Variants in SLC31A1 observed in about 807,000 individuals in gnomAD.
SLC31A1 encodes the protein solute carrier family 31 member 1.
In SLC31A1, 5 loss-of-function variants were observed where a neutral mutation model predicts 17.2. The ratio of observed to expected loss-of-function variants is 0.29; its 90% CI spans 0.15 to 0.61. The LOEUF is 0.61. Ranked by LOEUF, SLC31A1 falls within the 20% of genes least tolerant of loss-of-function variation. The pLI, the probability that SLC31A1 is intolerant of heterozygous loss-of-function variation, is 0.86. For missense variants in SLC31A1, 161 were observed against 241.4 expected, an observed-to-expected ratio of 0.67 and a Z score of 2.21; for synonymous variants, 76 against 78.8, an observed-to-expected ratio of 0.96 and a Z score of 0.19.
intron 4 of SLC31A1, among the ~76,000 whole-genome samples, chr9:113,259,772 G>A (rs957063667): frequency 1.3e-4 from 20 of 151,732 alleles, no homozygotes; most frequent in African/African-American, 4.8e-4. Flanking sequence ...TTTTTGTAGA[G>A]ACAAGGTTTC....
At chr9:113,238,707 A>G (rs1212871318) in intron 1 of SLC31A1, among the ~76,000 whole-genome samples, 1 of 152,202 alleles carries the variant, frequency 6.6e-6, no homozygotes, top group Non-Finnish European at 1.5e-5. Flanking sequence ...GGTTGCAGAG[A>G]TCGTGACACT....
At chr9:113,255,908 G>A (rs1031137135) in intron 1 of SLC31A1, 2 of 305,204 alleles carry the variant, frequency 6.6e-6, no homozygotes, top group Non-Finnish European at 6.1e-6. Context: ...CAGGAGCAGG[G>A]AACCACCAGG....
chr9:113,259,946 G>T (rs1831771250), intron 4 of SLC31A1, among the ~76,000 whole-genome samples: 1 of 152,090 alleles, frequency 6.6e-6, no homozygotes, highest in African/African-American at 2.4e-5. Flanking sequence ...AAATATTCGG[G>T]CAGATGAGCG....
intron 1 of SLC31A1, among the ~76,000 whole-genome samples, chr9:113,251,314 A>G (rs1831649463): frequency 1.3e-5 from 2 of 152,016 alleles, no homozygotes; most frequent in African/African-American, 4.8e-5. Context: ...CCCAGCTACT[A>G]GGGAGGCTGA....
chr9:113,239,939 C>G (rs191025099), intron 1 of SLC31A1, among the ~76,000 whole-genome samples: 2 of 152,144 alleles, frequency 1.3e-5, no homozygotes, highest in Admixed American at 6.5e-5. Flanking sequence ...GCCTCTCCTC[C>G]GCTCACTCAG....
At chr9:113,248,853 C>T (rs1318455257) in intron 1 of SLC31A1, among the ~76,000 whole-genome samples, 1 of 152,094 alleles carries the variant, frequency 6.6e-6, no homozygotes, top group Non-Finnish European at 1.5e-5. Context: ...TTAATAAAGT[C>T]AAGTGAGGAG....
chr9:113,241,049 CAAAA>C (rs11330445), intron 1 of SLC31A1, among the ~76,000 whole-genome samples: 2 of 94,964 alleles, frequency 2.1e-5, no homozygotes, highest in African/African-American at 9.2e-5. Context: ...GACTCTGTCT[CAAAA>C]AAAAAAAAAA....
At chr9:113,228,160 A>C (rs1404937555) in intron 1 of SLC31A1, among the ~76,000 whole-genome samples, 1 of 152,234 alleles carries the variant, frequency 6.6e-6, no homozygotes, top group Non-Finnish European at 1.5e-5. Flanking sequence ...ATGTGGGTCC[A>C]GAGCTCAGAG....
chr9:113,241,755 G>A (rs1831523968), intron 1 of SLC31A1, among the ~76,000 whole-genome samples: 1 of 152,168 alleles, frequency 6.6e-6, no homozygotes, highest in Admixed American at 6.5e-5. Flanking sequence ...TTAAGCATCT[G>A]CAGTTGATAA....
intron 1 of SLC31A1, among the ~76,000 whole-genome samples, chr9:113,251,262 A>C (rs2119010017): frequency 6.6e-6 from 1 of 152,150 alleles, no homozygotes; most frequent in Admixed American, 6.6e-5. Flanking sequence ...ATCTCCACTA[A>C]AAATAAAAAA....
chr9:113,253,190 C>T (rs186562617), intron 1 of SLC31A1, among the ~76,000 whole-genome samples: 201 of 152,072 alleles, frequency 1.3e-3, no homozygotes, highest in Middle Eastern at 3.4e-3. Context: ...CTCCTAACCT[C>T]GTGATCCGCC....
At chr9:113,236,366 G>T (rs1418242072) in intron 1 of SLC31A1, among the ~76,000 whole-genome samples, 3 of 151,362 alleles carry the variant, frequency 2.0e-5, no homozygotes, top group African/African-American at 4.9e-5. Flanking sequence ...GTTGTTTTTT[G>T]TTTGTTTGTT....
chr9:113,253,958 C>CTTTTTTTTT (rs397967653), intron 1 of SLC31A1, among the ~76,000 whole-genome samples: 12 of 110,398 alleles, frequency 1.1e-4, no homozygotes, highest in African/African-American at 1.8e-4. Context: ...TACCCACAGT[C>CTTTTTTTTT]TTTTTTTTTT....
chr9:113,251,623 A>C (rs1831655070), intron 1 of SLC31A1, among the ~76,000 whole-genome samples: 1 of 152,226 alleles, frequency 6.6e-6, no homozygotes, highest in Non-Finnish European at 1.5e-5. Context: ...AGAATGGGTT[A>C]GGTGTGTTCG....
At position 113,249,932 on chromosome 9, in the gene SLC31A1, C is replaced by T. The variant is rs945911029; in HGVS notation, c.-35-6182C>T. Among the ~76,000 whole-genome samples the T allele has an allele frequency of 2.1e-5, 3 of 145,294 alleles. No homozygotes were observed. The Admixed American group carries it at 2.1e-4, about 10-fold the overall frequency. ...GCCAAAAAACACATGAAAAAATGCTCACCATCACTGGCCATCAGAGAAATG... is the reference window on the plus strand; with the variant it reads ...GCCAAAAAACACATGAAAAAATGCTTACCATCACTGGCCATCAGAGAAATG... On this transcript the variant is annotated intron_variant, in intron 1 of 4. Coordinates refer to ENST00000374212, the MANE Select transcript of SLC31A1 (RefSeq NM_001859.4).
chr9:113,247,346 G>A (rs1587993210), intron 1 of SLC31A1, among the ~76,000 whole-genome samples: 1 of 152,216 alleles, frequency 6.6e-6, no homozygotes, highest in African/African-American at 2.4e-5. Flanking sequence ...CCGGGCTCCA[G>A]ATTATATCTG....
intron 1 of SLC31A1, among the ~76,000 whole-genome samples, chr9:113,236,313 A>T (rs1219534480): frequency 6.6e-6 from 1 of 151,346 alleles, no homozygotes; most frequent in Non-Finnish European, 1.5e-5. Flanking sequence ...CATTTCGACA[A>T]GTCAAGTGTG....
At chr9:113,223,326 CTA>C in intron 1 of SLC31A1, 1 of 333,726 alleles carries the variant, frequency 3.0e-6, no homozygotes. Flanking sequence ...CTGGGTGCAC[CTA>C]AAAAAAAAAA....
rs1198972824 is a variant in SLC31A1, at chr9:113,264,182, T to TG, written c.*3710dup. 1 of 151,876 alleles carries TG rather than the reference T, an allele frequency of 6.6e-6. No individual in the cohort carries two copies. Among genetic ancestry groups the TG allele is most frequent in the Non-Finnish European group, 1.5e-5 (1 of 68,016 alleles). The allele number at this position is 151,876 out of a possible 1,614,324, so 9.4% of individuals were successfully genotyped here. Reference sequence around the variant, plus strand: ...TACAAAAATTAGCTGGGCGTGGTGGTGCATGCCTGTAATCCCAGCTACTCG... The same window carrying TG: ...TACAAAAATTAGCTGGGCGTGGTGGTGGCATGCCTGTAATCCCAGCTACTCG... On this transcript the variant is annotated 3_prime_UTR_variant, in exon 5 of 5. Transcript: ENST00000374212.
Sources: gnomAD v4.1 joint callset for allele counts (sites outside exome capture counted in the v4.1 genomes callset) on GRCh38, gnomAD v4.1.1 for gene constraint, MANE v1.5 for transcripts, NCBI Gene and HGNC (gene_info 2026-07-23, HGNC 2026-07-21) for gene names.